The following TRPV1 variants were observed in gnomAD, a reference collection of about 807,000 sequenced individuals.
TRPV1 encodes transient receptor potential cation channel subfamily V member 1.
TRPV1 carries 82 observed loss-of-function variants against 82.3 expected under a neutral mutation model. The observed-to-expected ratio is 1.00, with a 90% CI of 0.83 to 1.20. The LOEUF (loss-of-function observed/expected upper bound fraction) is 1.20, where lower values mean the gene tolerates loss of function less well. Among genes scored for constraint, TRPV1 ranks in the 50% most tolerant of loss-of-function variants. TRPV1 has a pLI of 0.00. For synonymous variants in TRPV1, 515 were observed against 467.7 expected (o/e 1.10, Z -1.30); for missense variants, 1,067 against 1,096.8 (o/e 0.97, Z 0.38).
At chr17:3,571,248 G>T (rs1597510712) in intron 16 of TRPV1, among the ~76,000 whole-genome samples, 1 of 152,216 alleles carries the variant, frequency 6.6e-6, no homozygotes. Context: ...GTCCCCTGGG[G>T]CGCTGAGGAC....
Position 3,571,597 on chromosome 17 carries a change from G to T in TRPV1, c.2274C>A (p.Gly758=). Residue 758 remains glycine (G), a synonymous_variant, in exon 16 of 17, where the codon GGC becomes GGA. Coordinates refer to ENST00000572705, the MANE Select transcript of TRPV1 (RefSeq NM_080704.4). ...VNWTTWNTNV[G]IINEDPGNCE... ...AGTTGCCCGGGTCTTCGTTGATGAT[G>T]CCCACGTTGGTGTTCCAGGTGGTCC... The T allele has an allele frequency of 6.2e-7, 1 of 1,612,760 alleles. No homozygotes were observed. Among genetic ancestry groups the T allele is most frequent in the South Asian group, 1.1e-5 (1 of 90,616 alleles).
chr17:3,585,931 G>A lies in TRPV1; in HGVS notation c.1225-5C>T, dbSNP rs201902077. The A allele has an allele frequency of 6.2e-6, 10 of 1,613,470 alleles. No homozygotes were observed. The highest frequency in any genetic ancestry group is 8.5e-6 in the Non-Finnish European group (10 of 1,179,744). ...CAAGAGCATGTCGTGGCGATTCTAG[G>A]GGGTGGGGAGAGAAGTGAGGTTCCC... On this transcript the variant is annotated splice_region_variant and splice_polypyrimidine_tract_variant and intron_variant, in intron 8 of 16. Coordinates refer to ENST00000572705, the MANE Select transcript of TRPV1 (RefSeq NM_080704.4).
At chr17:3,581,937 T>C (rs1212378044) in intron 10 of TRPV1, among the ~76,000 whole-genome samples, 4 of 143,782 alleles carry the variant, frequency 2.8e-5, no homozygotes, top group East Asian at 2.1e-4. Context: ...ACACCTGTAA[T>C]CCCAGCACTT....
intron 9 of TRPV1, 186 bp downstream of exon 9, chr17:3,585,582 G>C (rs1256395563): frequency 2.9e-6 from 2 of 697,358 alleles, no homozygotes; most frequent in Non-Finnish European, 2.3e-6. Flanking sequence ...CTCCTGTACA[G>C]CCTGAGGCAG....
chr17:3,579,864 C>G (rs183109239), intron 11 of TRPV1, among the ~76,000 whole-genome samples: 5 of 152,310 alleles, frequency 3.3e-5, no homozygotes, highest in African/African-American at 9.6e-5. Context: ...GCACCACCCC[C>G]CAAAACAAGT....
intron 16 of TRPV1, among the ~76,000 whole-genome samples, chr17:3,568,174 T>G (rs1597507160): frequency 6.6e-6 from 1 of 151,784 alleles, no homozygotes; most frequent in Non-Finnish European, 1.5e-5. Flanking sequence ...TACAAAAAAT[T>G]AGCCGGGCGT....
intron 2 of TRPV1, among the ~76,000 whole-genome samples, chr17:3,599,526 C>T (rs1409594171): frequency 7.4e-6 from 1 of 134,240 alleles, no homozygotes; most frequent in Admixed American, 6.9e-5. Context: ...AGGAATCATA[C>T]AGTATTTGTC....
At chr17:3,597,787 C>T (rs2075232621) in intron 2 of TRPV1, among the ~76,000 whole-genome samples, 1 of 151,232 alleles carries the variant, frequency 6.6e-6, no homozygotes. Flanking sequence ...GATTCTCCTG[C>T]CTCAGCCTCC....
intron 2 of TRPV1, among the ~76,000 whole-genome samples, chr17:3,599,553 C>A (rs1288402725): frequency 2.8e-5 from 4 of 143,384 alleles, no homozygotes; most frequent in Admixed American, 2.7e-4. Flanking sequence ...CTTTTTGTGA[C>A]TGGCTTCTTT....
chr17:3,593,110 G>C (rs796116707), intron 2 of TRPV1, among the ~76,000 whole-genome samples: 29 of 121,452 alleles, frequency 2.4e-4, no homozygotes, highest in African/African-American at 7.0e-4. Flanking sequence ...GTGTGTGTGT[G>C]TGTGTGTGTG....
Position 3,583,406 on chromosome 17 carries a change from C to T in TRPV1, c.1408G>A (p.Gly470Arg), listed in dbSNP as rs200296818. The T allele has an allele frequency of 5.9e-4, 952 of 1,608,018 alleles. No individual in the cohort carries two copies. The highest frequency in any genetic ancestry group is 7.6e-4 in the Non-Finnish European group (890 of 1,177,148). The part of the protein sequence containing the change: ...GLPPFKMEKT[G>R]DYFRVTGEIL... ...TCTCCAGTAACTCGGAAATAGTCTC[C>T]AGTTTTTTCCATCTTAAAGGGAGGC... is the stretch of plus-strand genomic sequence containing the variant. Residue 470 changes from glycine (G) to arginine (R), a missense_variant, in exon 10 of 17, where the codon GGA becomes AGA. Gly to Arg is a moderately radical substitution (Grantham distance 125). Coordinates refer to ENST00000572705, the MANE Select transcript of TRPV1 (RefSeq NM_080704.4).
intron 2 of TRPV1, among the ~76,000 whole-genome samples, chr17:3,594,830 G>A (rs1213204628): frequency 6.6e-6 from 1 of 152,204 alleles, no homozygotes; most frequent in East Asian, 1.9e-4. Context: ...AGGGGTCCAT[G>A]GCAGTTGGTG....
At position 3,590,405 on chromosome 17, in the gene TRPV1, C is replaced by A. The variant is rs774141049; in HGVS notation, c.605-13G>T. 1 of 1,611,842 alleles carries A rather than the reference C, an allele frequency of 6.2e-7. No individual in the cohort carries two copies. The highest frequency in any genetic ancestry group is 8.5e-7 in the Non-Finnish European group (1 of 1,178,902). ...AGTGCTGTCTGGCCTACAGAGGACG[C>A]GCACGGTTGGCTTCGTGGTCACGGT... is the stretch of plus-strand genomic sequence containing the variant. On this transcript the variant is annotated splice_polypyrimidine_tract_variant and intron_variant, in intron 5 of 16. Transcript: ENST00000572705.
intron 13 of TRPV1, among the ~76,000 whole-genome samples, chr17:3,576,668 A>AAAAAAAAAAATATAT: frequency 6.2e-4 from 24 of 38,406 alleles, no homozygotes; most frequent in East Asian, 1.7e-3. Context: ...AAAAAAAAAA[A>AAAAAAAAAAATATAT]ATATATATAT....
At chr17:3,592,426 C>T in intron 2 of TRPV1, 43 bp from the exon 3 acceptor site, 1 of 1,492,944 alleles carries the variant, frequency 6.7e-7, no homozygotes, top group Middle Eastern at 2.2e-4. Context: ...AAAGTAAGGA[C>T]TGCTTGTCCT....
chr17:3,588,830 A>AAAAC, intron 7 of TRPV1: 1 of 1,332,048 alleles, frequency 7.5e-7, no homozygotes, highest in African/African-American at 1.5e-5. Flanking sequence ...AAAAAAAAAA[A>AAAAC]CAAAACACAC....
chr17:3,592,194 C>G lies in TRPV1; in HGVS notation c.157G>C (p.Gly53Arg), dbSNP rs1341059223. 3 of 1,613,328 alleles carry G rather than the reference C, an allele frequency of 1.9e-6. No individual in the cohort carries two copies. The Admixed American group carries it at 5.0e-5, about 27-fold the overall frequency. Residue 53 changes from glycine (G) to arginine (R), a missense_variant, in exon 3 of 17, where the codon GGT (glycine) becomes CGT (arginine). Transcript: ENST00000572705. ...ACCGGGAAAGCCTCCTCCGAGTCAC[C>G]CTTCCCAAAGAGCCGGGTGCGGCTC... ...AKSRTRLFGK[G>R]DSEEAFPVDC...
chr17:3,603,760 T>C (rs2075279617), intron 2 of TRPV1, among the ~76,000 whole-genome samples: 1 of 152,232 alleles, frequency 6.6e-6, no homozygotes, highest in Admixed American at 6.5e-5. Context: ...GCTTAATGTT[T>C]GATGAGTCAC....
Position 3,573,669 on chromosome 17 carries a change from C to G in TRPV1, c.2067G>C (p.Lys689Asn). Reference protein sequence around the residue: ...LIALMGETVNKIAQESKNIWK... With the variant: ...LIALMGETVNNIAQESKNIWK... ...AGATGTTCTTGCTCTCCTGTGCGAT[C>G]TTGTTGACAGTCTCACCCATGAGGG... The change falls in exon 14 of 17, where the codon AAG (lysine) becomes AAC (asparagine). Residue 689 changes from lysine to asparagine, a missense_variant. Coordinates refer to ENST00000572705, the MANE Select transcript of TRPV1 (RefSeq NM_080704.4). 1 of 1,613,994 alleles carries G rather than the reference C, an allele frequency of 6.2e-7. No homozygotes were observed. Among genetic ancestry groups the G allele is most frequent in the Non-Finnish European group, 8.5e-7 (1 of 1,179,984 alleles).
Sources: gnomAD v4.1 joint callset for allele counts (sites outside exome capture counted in the v4.1 genomes callset) on GRCh38, gnomAD v4.1.1 for gene constraint, MANE v1.5 for transcripts, NCBI Gene and HGNC (gene_info 2026-07-23, HGNC 2026-07-21) for gene names.